SUDS3: variants seen among roughly 807,000 people sequenced by gnomAD.
SUDS3 encodes the protein SIN3A corepressor complex component SDS3, also known as sin3 histone deacetylase corepressor complex component SDS3.
Under a neutral mutation model 53.5 loss-of-function variants are expected in SUDS3, and 23 were observed. The ratio of observed to expected loss-of-function variants is 0.43; its 90% CI spans 0.31 to 0.61. The LOEUF is 0.61. Ranked by LOEUF, SUDS3 falls within the 20% of genes least tolerant of loss-of-function variation. The probability of loss-of-function intolerance (pLI) is 0.10; values close to 1 mark genes in which losing one functional copy is unlikely to be tolerated. For synonymous variants in SUDS3, 150 were observed against 148.5 expected, an observed-to-expected ratio of 1.01 and a Z score of -0.08; for missense variants, 291 against 405.9, an observed-to-expected ratio of 0.72 and a Z score of 2.43.
chr12:118,397,460 C>T (rs945139489), intron 6 of SUDS3, among the ~76,000 whole-genome samples: 3 of 152,164 alleles, frequency 2.0e-5, no homozygotes, highest in African/African-American at 7.2e-5. Context: ...GCCAACTAGA[C>T]CAACCTGGCG....
chr12:118,383,076 G>A (rs1381889093), intron 2 of SUDS3, among the ~76,000 whole-genome samples: 1 of 152,204 alleles, frequency 6.6e-6, no homozygotes, highest in African/African-American at 2.4e-5. Context: ...AGAGTGAGAT[G>A]TGTGTGAGTC....
chr12:118,414,286 C>A, intron 11 of SUDS3, 49 bp from the exon 12 acceptor site: 1 of 1,372,814 alleles, frequency 7.3e-7, no homozygotes, highest in African/African-American at 1.4e-5. Flanking sequence ...AGGAGATTTG[C>A]TCTTCTGTAT....
chr12:118,408,672 G>A (rs918987349), intron 10 of SUDS3, among the ~76,000 whole-genome samples: 2 of 151,750 alleles, frequency 1.3e-5, no homozygotes, highest in Admixed American at 1.3e-4. Flanking sequence ...CAGGAACATA[G>A]TTGACATAGT....
At chr12:118,405,036 T>G (rs1200269800) in intron 10 of SUDS3, among the ~76,000 whole-genome samples, 2 of 152,234 alleles carry the variant, frequency 1.3e-5, no homozygotes, top group Non-Finnish European at 2.9e-5. Flanking sequence ...TGAGTTGGTG[T>G]TCTTTGGCAT....
At chr12:118,412,260 C>T (rs1483462822) in intron 11 of SUDS3, among the ~76,000 whole-genome samples, 1 of 152,172 alleles carries the variant, frequency 6.6e-6, no homozygotes, top group Non-Finnish European at 1.5e-5. Context: ...ACTTTAATAG[C>T]TGGATTGGCT....
chr12:118,386,133 G>A lies in SUDS3; in HGVS notation c.288G>A (p.Gln96=). 1 of 1,599,846 alleles carries A rather than the reference G, an allele frequency of 6.3e-7. No individual in the cohort carries two copies. The highest frequency in any genetic ancestry group is 2.2e-5 in the East Asian group (1 of 44,546). ...AATCAGGTACATTACAGGAATATCA[G>A]AAGAGAATGAAAAAACTAGATCAGC... ...QLQEGTLQEY[Q]KRMKKLDQQY... The change falls in exon 4 of 12, where the codon CAG becomes CAA. Residue 96 remains glutamine, a synonymous_variant. Transcript: ENST00000543473.
rs984068528 is a variant in SUDS3, at chr12:118,401,664, A to G, written c.614-95A>G. 1.5e-5 allele frequency: 16 copies of G among 1,061,296 alleles called. No homozygotes were observed. The East Asian group carries it at 3.8e-4, about 25-fold the overall frequency. 65.7% of individuals were successfully genotyped at this position (1,061,296 alleles called of 1,614,324 possible). A position where few individuals can be genotyped will look rare whatever the true frequency, so the allele number is the denominator to read the frequency against. On this transcript the variant is annotated intron_variant, in intron 7 of 11. Coordinates refer to ENST00000543473, the MANE Select transcript of SUDS3 (RefSeq NM_022491.3). ...TGTAGAAACATCATTTAACAAAATC[A>G]TACTTTGTAAATTCTAAAATACTGG...
At chr12:118,388,498 C>T (rs2046134826) in intron 4 of SUDS3, among the ~76,000 whole-genome samples, 1 of 152,130 alleles carries the variant, frequency 6.6e-6, no homozygotes, top group South Asian at 2.1e-4. Context: ...GGTTTGTAGA[C>T]AGGTTTGTGC....
At chr12:118,397,835 C>T (rs907443258) in intron 6 of SUDS3, among the ~76,000 whole-genome samples, 12 of 152,008 alleles carry the variant, frequency 7.9e-5, no homozygotes, top group African/African-American at 2.9e-4. Flanking sequence ...ACTTGGCTTA[C>T]ATCCATCATG....
intron 4 of SUDS3, among the ~76,000 whole-genome samples, chr12:118,389,462 C>T (rs115997577): frequency 7.6e-4 from 115 of 151,570 alleles, no homozygotes; most frequent in African/African-American, 2.7e-3. Flanking sequence ...TCCTGCTGCA[C>T]GTTTTTTGCC....
chr12:118,391,003 C>A lies in SUDS3; in HGVS notation c.361-123C>A, dbSNP rs780227775. 1.5e-5 allele frequency: 16 copies of A among 1,090,464 alleles called. No individual in the cohort carries two copies. In the East Asian group the frequency reaches 3.8e-4, roughly 26 times the overall value. 67.5% of individuals were successfully genotyped at this position (1,090,464 alleles called of 1,614,324 possible). Reference sequence around the variant, plus strand: ...AAGCTTGTTCTCAGACACACTGTTACTGCAAGTGTGTGTGAGGGGGAAACT... The same window carrying A: ...AAGCTTGTTCTCAGACACACTGTTAATGCAAGTGTGTGTGAGGGGGAAACT... On this transcript the variant is annotated intron_variant, in intron 5 of 11. Coordinates refer to ENST00000543473, the MANE Select transcript of SUDS3 (RefSeq NM_022491.3).
intron 6 of SUDS3, among the ~76,000 whole-genome samples, chr12:118,396,413 A>T (rs961118284): frequency 5.9e-5 from 9 of 151,972 alleles, no homozygotes; most frequent in Non-Finnish European, 1.2e-4. Context: ...CACCTAGCCC[A>T]GCTAGTTTTT....
At chr12:118,378,863 C>T (rs568144144) in intron 1 of SUDS3, among the ~76,000 whole-genome samples, 21 of 151,918 alleles carry the variant, frequency 1.4e-4, no homozygotes, top group Non-Finnish European at 2.6e-4. Context: ...TTAGTAGAGA[C>T]GTGGTTTCTC....
At chr12:118,395,113 A>G (rs898706298) in intron 6 of SUDS3, among the ~76,000 whole-genome samples, 2 of 151,910 alleles carry the variant, frequency 1.3e-5, no homozygotes, top group Non-Finnish European at 2.9e-5. Flanking sequence ...GAGGCCCCAC[A>G]CAAATATCTG....
At chr12:118,383,072 A>T (rs529987402) in intron 2 of SUDS3, among the ~76,000 whole-genome samples, 5 of 152,228 alleles carry the variant, frequency 3.3e-5, no homozygotes, top group Admixed American at 6.5e-5. Context: ...TGAAAGAGTG[A>T]GATGTGTGTG....
At chr12:118,392,693 T>C (rs1223907514) in intron 6 of SUDS3, among the ~76,000 whole-genome samples, 1 of 152,220 alleles carries the variant, frequency 6.6e-6, no homozygotes, top group Admixed American at 6.5e-5. Flanking sequence ...TCTCTGACAG[T>C]GGCTGTGACT....
At chr12:118,412,917 T>C (rs2141396350) in intron 11 of SUDS3, among the ~76,000 whole-genome samples, 1 of 152,322 alleles carries the variant, frequency 6.6e-6, no homozygotes, top group East Asian at 1.9e-4. Context: ...TTCTCATTTC[T>C]TGAAAGTGTT....
intron 8 of SUDS3, 55 bp downstream of exon 8, chr12:118,401,875 A>AT: frequency 6.2e-7 from 1 of 1,605,320 alleles, no homozygotes; most frequent in Non-Finnish European, 8.5e-7. Context: ...TGGTTTTCTG[A>AT]TTTTGTTTGT....
In SUDS3 at chr12:118,391,301, G is replaced by A. The variant is rs373899507; in HGVS notation, c.517+19G>A. 2 of 1,595,924 alleles carry A rather than the reference G, an allele frequency of 1.3e-6. No individual in the cohort carries two copies. The highest frequency in any genetic ancestry group is 1.7e-6 in the Non-Finnish European group (2 of 1,173,610). On this transcript the variant is annotated intron_variant, in intron 6 of 11. Coordinates refer to ENST00000543473, the MANE Select transcript of SUDS3 (RefSeq NM_022491.3). ...ACTGGAGGTAGGAAAGCCCTATGGGGTGGGATCTTGGGGGCCCTGAGCGGG... is the reference window on the plus strand; with the variant it reads ...ACTGGAGGTAGGAAAGCCCTATGGGATGGGATCTTGGGGGCCCTGAGCGGG...
Sources: allele counts gnomAD v4.1 joint callset (sites outside exome capture counted in the v4.1 genomes callset), GRCh38; gene constraint gnomAD v4.1.1; transcripts MANE v1.5; gene names NCBI Gene and HGNC (gene_info 2026-07-23, HGNC 2026-07-21).